Variants in XNDC1N observed in about 807,000 individuals in gnomAD.
XNDC1N encodes the protein XRCC1 N-terminal domain containing 1, N-terminal like, also known as protein XNDC1N.
chr11:71,923,538 G>A, the XNDC1N span: 8 of 589,108 alleles, frequency 1.4e-5, no homozygotes, highest in Non-Finnish European at 1.5e-5. Flanking sequence ...GTTACTTGCA[G>A]CAGTCAGTTC....
the XNDC1N span, chr11:71,893,667 G>A: frequency 3.0e-5 from 39 of 1,286,936 alleles, no homozygotes; most frequent in Non-Finnish European, 4.3e-5. Context: ...TCTCCAACCT[G>A]TGCTGGGCTG....
At chr11:71,898,221 A>T in the XNDC1N span, among the ~76,000 whole-genome samples, 1 of 151,948 alleles carries the variant, frequency 6.6e-6, no homozygotes, top group East Asian at 1.9e-4. Flanking sequence ...AATGAAAAAA[A>T]AAACAACAAA....
the XNDC1N span, chr11:71,917,342 G>A: frequency 8.0e-6 from 5 of 625,256 alleles, no homozygotes; most frequent in Non-Finnish European, 1.1e-5. Flanking sequence ...ATAAGTGTGT[G>A]TGTTCTATAT....
the XNDC1N span, among the ~76,000 whole-genome samples, chr11:71,886,560 G>T: frequency 6.6e-6 from 1 of 152,092 alleles, no homozygotes; most frequent in Non-Finnish European, 1.5e-5. Flanking sequence ...GGGTAAAGAA[G>T]AAAGTCCAAC....
chr11:71,900,146 A>T, the XNDC1N span, among the ~76,000 whole-genome samples: 1 of 152,228 alleles, frequency 6.6e-6, no homozygotes, highest in African/African-American at 2.4e-5. Context: ...TCTCCTTATT[A>T]TCACCCTGCC....
chr11:71,917,626 T>A, the XNDC1N span: 4 of 703,526 alleles, frequency 5.7e-6, no homozygotes, highest in Non-Finnish European at 7.8e-6. Flanking sequence ...TTTACCATCT[T>A]TAAACATGCG....
chr11:71,896,538 G>C, the XNDC1N span, among the ~76,000 whole-genome samples: 1,300 of 137,124 alleles, frequency 9.5e-3, no homozygotes, highest in East Asian at 0.035. Context: ...AAGCTCTTCT[G>C]TTTCTGCTCT....
At chr11:71,895,206 A>T in the XNDC1N span, among the ~76,000 whole-genome samples, 1 of 152,116 alleles carries the variant, frequency 6.6e-6, no homozygotes, top group Non-Finnish European at 1.5e-5. Flanking sequence ...GCAGAAATTA[A>T]TTGTAGTATG....
chr11:71,889,275 T>C, the XNDC1N span, among the ~76,000 whole-genome samples: 1 of 152,294 alleles, frequency 6.6e-6, no homozygotes, highest in East Asian at 1.9e-4. Context: ...ACAAGAAATC[T>C]TGCAATGATT....
chr11:71,891,090 A>T, the XNDC1N span, among the ~76,000 whole-genome samples: 1 of 151,962 alleles, frequency 6.6e-6, no homozygotes, highest in Non-Finnish European at 1.5e-5. Flanking sequence ...ACGTAACCTT[A>T]TCCTCTCCCT....
chr11:71,890,924 T>C, the XNDC1N span, among the ~76,000 whole-genome samples: 10 of 152,050 alleles, frequency 6.6e-5, no homozygotes, highest in African/African-American at 1.7e-4. Context: ...CCCTGCGATA[T>C]TGAGAGTAGT....
the XNDC1N span, among the ~76,000 whole-genome samples, chr11:71,909,984 G>T: frequency 6.6e-6 from 1 of 152,270 alleles, no homozygotes; most frequent in African/African-American, 2.4e-5. Context: ...TGGCTAAGCG[G>T]TGGCCAAGAG....
chr11:71,901,161 G>C, the XNDC1N span, among the ~76,000 whole-genome samples: 1 of 152,148 alleles, frequency 6.6e-6, no homozygotes, highest in Non-Finnish European at 1.5e-5. Context: ...CCTTGCCCCT[G>C]TTCCTGGCTT....
At chr11:71,915,421 C>T in the XNDC1N span, among the ~76,000 whole-genome samples, 15 of 150,382 alleles carry the variant, frequency 1.0e-4, no homozygotes, top group Middle Eastern at 3.4e-3. Context: ...GCACTCCAGC[C>T]TGGGCAACAG....
the XNDC1N span, chr11:71,878,640 T>C: frequency 3.3e-6 from 3 of 911,178 alleles, no homozygotes; most frequent in Non-Finnish European, 1.6e-6. Flanking sequence ...GCTCAGAAGA[T>C]TGAAGAGTTG....
At chr11:71,869,168 A>G in the XNDC1N span, among the ~76,000 whole-genome samples, 28,214 of 151,470 alleles carry the variant, frequency 0.19, 4,809 homozygotes, top group African/African-American at 0.45. Context: ...CGTAATTTAC[A>G]CTAGGTATAT....
At chr11:71,923,269 A>T in the XNDC1N span, 1 of 702,126 alleles carries the variant, frequency 1.4e-6, no homozygotes, top group Admixed American at 2.0e-5. Flanking sequence ...CACTCCTTTC[A>T]GTTATTAAGA....
chr11:71,891,493 A>G, the XNDC1N span, among the ~76,000 whole-genome samples: 2 of 152,098 alleles, frequency 1.3e-5, no homozygotes, highest in East Asian at 3.9e-4. Flanking sequence ...GTTAGCAACC[A>G]GATCACAAAG....
the XNDC1N span, among the ~76,000 whole-genome samples, chr11:71,885,142 A>G: frequency 6.6e-6 from 1 of 150,900 alleles, no homozygotes; most frequent in African/African-American, 2.5e-5. Flanking sequence ...ATTGGGTGTC[A>G]TATCATCTTC....
Sources: gnomAD v4.1 joint callset for allele counts (sites outside exome capture counted in the v4.1 genomes callset) on GRCh38, gnomAD v4.1.1 for gene constraint, MANE v1.5 for transcripts, NCBI Gene and HGNC (gene_info 2026-07-23, HGNC 2026-07-21) for gene names.